The following RPS6KA5 variants were observed in gnomAD, a reference collection of about 807,000 sequenced individuals.
RPS6KA5 encodes ribosomal protein S6 kinase A5.
RPS6KA5 carries 27 observed loss-of-function variants against 85.5 expected under a neutral mutation model. That is an observed-to-expected ratio of 0.32 (90% CI 0.23 to 0.44). The LOEUF is 0.44. RPS6KA5 is among the 20% of genes least tolerant of loss of function. The pLI is 1.00. For missense variants in RPS6KA5, 811 were observed against 980.9 expected, an observed-to-expected ratio of 0.83 and a Z score of 2.31; for synonymous variants, 334 against 348.2, an observed-to-expected ratio of 0.96 and a Z score of 0.46.
chr14:91,053,299 A>G (rs966492913), intron 1 of RPS6KA5, among the ~76,000 whole-genome samples: 1 of 152,048 alleles, frequency 6.6e-6, no homozygotes, highest in African/African-American at 2.4e-5. Context: ...GATCAGGAAT[A>G]AGACAAGGAT....
intron 3 of RPS6KA5, among the ~76,000 whole-genome samples, chr14:90,960,314 C>A (rs1003127310): frequency 2.6e-5 from 4 of 152,110 alleles, no homozygotes; most frequent in Non-Finnish European, 4.4e-5. Flanking sequence ...CTTAGCCAGG[C>A]AGCGAAACAA....
At chr14:90,957,905 G>A (rs978362247) in intron 3 of RPS6KA5, among the ~76,000 whole-genome samples, 8 of 151,776 alleles carry the variant, frequency 5.3e-5, no homozygotes, top group South Asian at 2.1e-4. Context: ...ACTTGGAAAG[G>A]CCGAGGTAGA....
intron 14 of RPS6KA5, among the ~76,000 whole-genome samples, chr14:90,880,882 G>A (rs1277612278): frequency 1.3e-5 from 2 of 148,634 alleles, no homozygotes; most frequent in Non-Finnish European, 3.0e-5. Context: ...TTCCAAGGTC[G>A]GAGTACAGTG....
intron 2 of RPS6KA5, among the ~76,000 whole-genome samples, chr14:90,983,196 T>C (rs1211554022): frequency 6.8e-6 from 1 of 147,566 alleles, no homozygotes; most frequent in Non-Finnish European, 1.5e-5. Context: ...AGAATCGCTT[T>C]AACCCAGGAG....
At chr14:90,947,719 C>G (rs565347425) in intron 3 of RPS6KA5, among the ~76,000 whole-genome samples, 169 bp from the exon 4 acceptor site, 9 of 152,140 alleles carry the variant, frequency 5.9e-5, no homozygotes, top group African/African-American at 1.9e-4. Context: ...GATAGCAATA[C>G]AGTTTCGCAA....
At chr14:90,924,484 G>C (rs1011022086) in intron 5 of RPS6KA5, among the ~76,000 whole-genome samples, 1 of 152,166 alleles carries the variant, frequency 6.6e-6, no homozygotes, top group Non-Finnish European at 1.5e-5. Flanking sequence ...ATAGGGGCAG[G>C]AAAGACTTCA....
intron 2 of RPS6KA5, among the ~76,000 whole-genome samples, chr14:90,997,500 T>C (rs1460833998): frequency 1.3e-5 from 2 of 152,020 alleles, no homozygotes; most frequent in African/African-American, 4.8e-5. Context: ...CACCTCAGCC[T>C]CCCAAGTAGC....
intron 5 of RPS6KA5, among the ~76,000 whole-genome samples, chr14:90,935,805 ATCTG>A (rs2037222653): frequency 2.0e-5 from 3 of 152,178 alleles, no homozygotes; most frequent in Non-Finnish European, 4.4e-5. Context: ...CGTGTTAATG[ATCTG>A]TTTTGAAAAT....
rs1353514274 is a variant in RPS6KA5 at position 90,871,262 on chromosome 14, G to C, written c.*812C>G. The C allele has an allele frequency of 6.6e-6, 1 of 152,472 alleles. No individual in the cohort carries two copies. Among genetic ancestry groups the C allele is most frequent in the Admixed American group, 6.6e-5 (1 of 15,262 alleles). 9.4% of individuals were successfully genotyped at this position (152,472 alleles called of 1,614,324 possible). ...TGAAAATAAATGGCAAAAATACAGT[G>C]CAAATGCTTTAAACAGTGCACTTTA... On this transcript the variant is annotated 3_prime_UTR_variant, in exon 17 of 17. Coordinates refer to ENST00000614987, the MANE Select transcript of RPS6KA5 (RefSeq NM_004755.4).
At position 90,869,459 on chromosome 14, in the gene RPS6KA5, T is replaced by C. The variant is rs2032960687; in HGVS notation, c.*2615A>G. 6.6e-6 allele frequency: 1 copy of C among 152,176 alleles called. No individual in the cohort carries two copies. Among genetic ancestry groups the C allele is most frequent in the Non-Finnish European group, 1.5e-5 (1 of 68,036 alleles). The allele number at this position is 152,176 out of a possible 1,614,324, so 9.4% of individuals were successfully genotyped here. On this transcript the variant is annotated 3_prime_UTR_variant, in exon 17 of 17. Coordinates refer to ENST00000614987, the MANE Select transcript of RPS6KA5 (RefSeq NM_004755.4). ...TATTCTTGCCTCTCAATTTGTCATATACAGTTACAAAATATATGAATCAGG... is the reference window on the plus strand; with the variant it reads ...TATTCTTGCCTCTCAATTTGTCATACACAGTTACAAAATATATGAATCAGG...
At chr14:91,049,547 G>A (rs532307405) in intron 1 of RPS6KA5, among the ~76,000 whole-genome samples, 9 of 152,100 alleles carry the variant, frequency 5.9e-5, no homozygotes, top group South Asian at 2.1e-4. Context: ...CCAAGGAAGC[G>A]GAGCTTGCCG....
chr14:90,963,859 G>A (rs184607723), intron 3 of RPS6KA5, among the ~76,000 whole-genome samples: 1 of 152,168 alleles, frequency 6.6e-6, no homozygotes, highest in Admixed American at 6.5e-5. Flanking sequence ...CATGTTCACC[G>A]AGGAGTAGAT....
intron 3 of RPS6KA5, among the ~76,000 whole-genome samples, chr14:90,961,380 G>A (rs922158869): frequency 1.3e-5 from 2 of 152,196 alleles, no homozygotes; most frequent in African/African-American, 4.8e-5. Context: ...AGTGGGTTTA[G>A]ACGTTGTCTT....
Position 90,854,326 on chromosome 14 carries a change from G to A in RPS6KA5, c.*17748C>T, listed in dbSNP as rs933971026. ...ACTGTAGCCATTATAATCTGCTAAC[G>A]TTTGAAAAACTTAACATGAAATCAG... is the stretch of plus-strand genomic sequence containing the variant. On this transcript the variant is annotated 3_prime_UTR_variant, in exon 17 of 17. Transcript: ENST00000614987. 2.6e-5 allele frequency: 4 copies of A among 152,058 alleles called. No homozygotes were observed. The highest frequency in any genetic ancestry group is 5.9e-5 in the Non-Finnish European group (4 of 67,996). 9.4% of individuals were successfully genotyped at this position (152,058 alleles called of 1,614,324 possible).
At position 90,892,014 on chromosome 14, in the gene RPS6KA5, T is replaced by A. The variant is rs543506271; in HGVS notation, c.1645-1336A>T. ...ATTTTAGTTCTTTTTTTTTTTTTTT[T>A]GAGAGAGACAGTCTTGCTCTGTTGC... On this transcript the variant is annotated intron_variant, in intron 13 of 16. Coordinates refer to ENST00000614987, the MANE Select transcript of RPS6KA5 (RefSeq NM_004755.4). Among the ~76,000 whole-genome samples, 21 of 137,312 alleles carry A rather than the reference T, an allele frequency of 1.5e-4. No individual in the cohort carries two copies. The South Asian group carries it at 2.4e-3, about 15-fold the overall frequency. 90.1% of individuals were successfully genotyped at this position (137,312 alleles called of 152,430 possible).
intron 1 of RPS6KA5, among the ~76,000 whole-genome samples, chr14:91,011,495 A>G (rs1457395732): frequency 1.3e-5 from 2 of 152,160 alleles, no homozygotes; most frequent in Non-Finnish European, 2.9e-5. Context: ...AAAAAAAAAG[A>G]AAAGAAAACT....
chr14:90,923,248 G>T, intron 5 of RPS6KA5, 52 bp from the exon 6 acceptor site: 1 of 1,383,114 alleles, frequency 7.2e-7, no homozygotes, highest in South Asian at 1.2e-5. Context: ...TATGACAAGT[G>T]ACAAAAGAAG....
chr14:91,036,733 G>C (rs189017682), intron 1 of RPS6KA5, among the ~76,000 whole-genome samples: 1 of 152,316 alleles, frequency 6.6e-6, no homozygotes, highest in East Asian at 1.9e-4. Flanking sequence ...AGTGCTCTCA[G>C]AATTGTCAAT....
intron 6 of RPS6KA5, 111 bp from the exon 7 acceptor site, chr14:90,920,420 T>G: frequency 1.4e-6 from 1 of 733,830 alleles, no homozygotes; most frequent in South Asian, 1.8e-5. Flanking sequence ...AAAATGATTT[T>G]GTACACCTCC....
Sources: gnomAD v4.1 joint callset for allele counts (sites outside exome capture counted in the v4.1 genomes callset) on GRCh38, gnomAD v4.1.1 for gene constraint, MANE v1.5 for transcripts, NCBI Gene and HGNC (gene_info 2026-07-23, HGNC 2026-07-21) for gene names.